SLC5A10: variants seen among roughly 807,000 people sequenced by gnomAD.
The protein encoded by SLC5A10 is sodium/mannose cotransporter SLC5A10.
A neutral mutation model predicts 68.9 loss-of-function variants in SLC5A10; 55 were observed. That is an observed-to-expected ratio of 0.80 (90% CI 0.64 to 1.00). The LOEUF (loss-of-function observed/expected upper bound fraction) is 1.00, where lower values mean the gene tolerates loss of function less well. Among genes scored for constraint, SLC5A10 ranks in the 50% least tolerant of loss-of-function variants. The pLI is 0.00. For synonymous variants in SLC5A10, 344 were observed against 344.8 expected (o/e 1.00, Z 0.02); for missense variants, 732 against 819.3 (o/e 0.89, Z 1.30).
In SLC5A10 at chr17:19,022,086, T is replaced by C. The variant is rs2044274119; in HGVS notation, c.*1655T>C. Reference sequence around the variant, plus strand: ...GATGTCGCCACGGCGGAAGCTGAGCTGCGAGGGGTCCTGGGCTGAGAAGTC... The same window carrying C: ...GATGTCGCCACGGCGGAAGCTGAGCCGCGAGGGGTCCTGGGCTGAGAAGTC... On this transcript the variant is annotated 3_prime_UTR_variant, in exon 15 of 15. Coordinates refer to ENST00000395645, the MANE Select transcript of SLC5A10 (RefSeq NM_001042450.4). 1 of 1,588,862 alleles carries C rather than the reference T, an allele frequency of 6.3e-7. No individual in the cohort carries two copies. Among genetic ancestry groups the C allele is most frequent in the Non-Finnish European group, 8.6e-7 (1 of 1,168,544 alleles).
intron 9 of SLC5A10, among the ~76,000 whole-genome samples, chr17:18,994,708 T>G (rs2043521053): frequency 6.6e-6 from 1 of 152,176 alleles, no homozygotes; most frequent in African/African-American, 2.4e-5. Flanking sequence ...GGATACTGCC[T>G]CAGCAGTTGA....
At chr17:18,957,089 C>T (rs1044007380) in intron 1 of SLC5A10, among the ~76,000 whole-genome samples, 2 of 152,098 alleles carry the variant, frequency 1.3e-5, no homozygotes, top group African/African-American at 4.8e-5. Flanking sequence ...GTGAAGGTTG[C>T]CGTGAGCCAA....
chr17:18,988,227 C>A, intron 9 of SLC5A10: 1 of 1,601,560 alleles, frequency 6.2e-7, no homozygotes, highest in Non-Finnish European at 8.5e-7. Context: ...GCCACCCAGG[C>A]AAGTGAGGAG....
rs913657109 is a variant in SLC5A10, at chr17:19,009,216, G to T, written c.983-4194G>T. 4.6e-5 allele frequency among the ~76,000 whole-genome samples: 7 copies of T among 152,162 alleles called. No individual in the cohort carries two copies. The East Asian group carries it at 7.7e-4, about 17-fold the overall frequency. On this transcript the variant is annotated intron_variant, in intron 9 of 14. Transcript: ENST00000395645. ...TGTTTGTTTGTTTGTTTGAGACAGG[G>T]TCTTGCTCTGTCACCTCAAGGCTGG...
intron 8 of SLC5A10, among the ~76,000 whole-genome samples, chr17:18,972,833 C>A: frequency 6.6e-6 from 1 of 150,768 alleles, no homozygotes; most frequent in East Asian, 2.0e-4. Context: ...TGTGCCACTG[C>A]ACTCCAGCCT....
intron 11 of SLC5A10, among the ~76,000 whole-genome samples, chr17:19,015,461 A>C (rs571960248): frequency 1.3e-5 from 2 of 151,938 alleles, no homozygotes; most frequent in African/African-American, 4.8e-5. Flanking sequence ...TCCCTCCCCA[A>C]CCATGCCACA....
chr17:19,007,193 A>ATTTT (rs36006919), intron 9 of SLC5A10, among the ~76,000 whole-genome samples: 3 of 133,680 alleles, frequency 2.2e-5, no homozygotes, highest in Non-Finnish European at 3.2e-5. Flanking sequence ...TGTTACCGCT[A>ATTTT]TTTTTTTTTT....
At position 18,957,042 on chromosome 17, in the gene SLC5A10, G is replaced by A. The variant is rs557590971; in HGVS notation, c.112-1640G>A. ...TGCGCACCTGTAATCCCAGCTACTC[G>A]GGAGGCTGAGGCAGGAGAACCGCTC... On this transcript the variant is annotated intron_variant, in intron 1 of 14. Transcript: ENST00000395645. Among the ~76,000 whole-genome samples the A allele has an allele frequency of 4.6e-5, 7 of 152,190 alleles. No homozygotes were observed. The South Asian group carries it at 1.2e-3, about 27-fold the overall frequency.
At chr17:19,001,657 G>A (rs1845758127) in intron 9 of SLC5A10, among the ~76,000 whole-genome samples, 1 of 152,244 alleles carries the variant, frequency 6.6e-6, no homozygotes. Context: ...TGGGACTTTT[G>A]TGGGAAGCAA....
At position 19,017,295 on chromosome 17, in the gene SLC5A10, C is replaced by G; in HGVS notation, c.1241+2096C>G. On this transcript the variant is annotated intron_variant, in intron 11 of 14. Coordinates refer to ENST00000395645, the MANE Select transcript of SLC5A10 (RefSeq NM_001042450.4). The surrounding 1 kb of genome is among the most constrained non-coding windows in gnomAD (Gnocchi z 5.6). Reference sequence around the variant, plus strand: ...CGTCCCTCTTACAGCACTGGGATACCCTCAACACCCCCAGCCCCTCAAAGC... The same window carrying G: ...CGTCCCTCTTACAGCACTGGGATACGCTCAACACCCCCAGCCCCTCAAAGC... 6.4e-7 allele frequency: 1 copy of G among 1,552,088 alleles called. No individual in the cohort carries two copies. The highest frequency in any genetic ancestry group is 8.7e-7 in the Non-Finnish European group (1 of 1,147,060).
chr17:19,015,502 C>T (rs759230916), intron 11 of SLC5A10, among the ~76,000 whole-genome samples: 22 of 152,192 alleles, frequency 1.4e-4, no homozygotes, highest in Admixed American at 6.5e-4. Flanking sequence ...AACCTGGGCC[C>T]CCATTCCTCC....
At chr17:18,960,460 GGA>G (rs1567778032) in intron 4 of SLC5A10, 86 bp from the exon 5 acceptor site, 4 of 1,134,646 alleles carry the variant, frequency 3.5e-6, no homozygotes. Flanking sequence ...TGTGGCGGGG[GGA>G]GAGGCAGAGT....
intron 12 of SLC5A10, 33 bp downstream of exon 12, chr17:19,019,624 G>T (rs200095095): frequency 6.2e-6 from 10 of 1,605,922 alleles, no homozygotes; most frequent in Non-Finnish European, 6.8e-6. Context: ...CCCTGGGGAC[G>T]TGCCACAATT....
intron 14 of SLC5A10, 52 bp downstream of exon 14, chr17:19,020,264 A>G (rs1398680343): frequency 2.5e-6 from 4 of 1,613,082 alleles, no homozygotes; most frequent in South Asian, 1.1e-5. Flanking sequence ...CCTGGAGGCA[A>G]GGGCACCAGG....
In SLC5A10 at chr17:19,008,381, C is replaced by A. The variant is rs563181978; in HGVS notation, c.983-5029C>A. Among the ~76,000 whole-genome samples the A allele has an allele frequency of 4.6e-5, 7 of 152,070 alleles. No individual in the cohort carries two copies. The South Asian group carries it at 1.5e-3, about 32-fold the overall frequency. ...TTTTTTTAACATTTTACATTTAAAT[C>A]TGTGATCTATTTTGAGTTAATTTTT... is the stretch of plus-strand genomic sequence containing the variant. On this transcript the variant is annotated intron_variant, in intron 9 of 14. Transcript: ENST00000395645.
chr17:19,010,260 A>AT (rs1042532482), intron 9 of SLC5A10, among the ~76,000 whole-genome samples: 1 of 152,138 alleles, frequency 6.6e-6, no homozygotes, highest in Non-Finnish European at 1.5e-5. Flanking sequence ...AGGACTGGGC[A>AT]TTGGCCATGG....
rs200440113 is a variant in SLC5A10, at chr17:19,015,068, C to A, written c.1110C>A (p.Ile370=). 1.1e-5 allele frequency: 18 copies of A among 1,613,738 alleles called. No individual in the cohort carries two copies. The highest frequency in any genetic ancestry group is 1.4e-5 in the Non-Finnish European group (17 of 1,179,816). Residue 370 remains isoleucine (I), a synonymous_variant, in exon 11 of 15, where the codon ATC becomes ATA. Transcript: ENST00000395645. ...CCCCAGGTCTGCGGGGGCTGATGAT[C>A]GCAGTGATGCTGGCGGCGCTCATGT... ...LMPIGLRGLM[I]AVMLAALMSS... is the part of the protein sequence containing the mutation.
intron 9 of SLC5A10, among the ~76,000 whole-genome samples, chr17:19,009,753 C>A (rs959053086): frequency 3.9e-5 from 6 of 152,008 alleles, no homozygotes; most frequent in African/African-American, 1.4e-4. Flanking sequence ...CTGTTGAGAC[C>A]CAGACTTTTC....
intron 9 of SLC5A10, among the ~76,000 whole-genome samples, chr17:18,991,467 C>G (rs928556087): frequency 6.6e-6 from 1 of 152,222 alleles, no homozygotes; most frequent in East Asian, 1.9e-4. Flanking sequence ...CAAGCCCACA[C>G]GTCCTCTCAG....
Sources: gnomAD v4.1 joint callset for allele counts (sites outside exome capture counted in the v4.1 genomes callset) on GRCh38, gnomAD v4.1.1 for gene constraint, Gnocchi (gnomAD v3.1) non-coding constraint, MANE v1.5 for transcripts, NCBI Gene and HGNC (gene_info 2026-07-23, HGNC 2026-07-21) for gene names.